Variants in PIK3CA observed in about 807,000 individuals in gnomAD.
The protein encoded by PIK3CA is phosphatidylinositol 4,5-bisphosphate 3-kinase catalytic subunit alpha isoform.
Under a neutral mutation model 138.2 loss-of-function variants are expected in PIK3CA, and 27 were observed. The observed-to-expected ratio is 0.20, with a 90% CI of 0.14 to 0.27. The LOEUF is 0.27. PIK3CA is among the 10% of genes least tolerant of loss of function. The pLI, the probability that PIK3CA is intolerant of heterozygous loss-of-function variation, is 1.00. For synonymous variants in PIK3CA, 358 were observed against 413.2 expected (o/e 0.87, Z 1.62); for missense variants, 544 against 1,277.4 (o/e 0.43, Z 8.75).
At chr3:179,202,890 TTTCTG>T (rs1372523372) in intron 4 of PIK3CA, among the ~76,000 whole-genome samples, 2 of 152,078 alleles carry the variant, frequency 1.3e-5, no homozygotes, top group Non-Finnish European at 2.9e-5. Flanking sequence ...TGATATTACT[TTTCTG>T]TTATCATATA....
chr3:179,178,673 C>T (rs1024255530), intron 1 of PIK3CA, among the ~76,000 whole-genome samples: 7 of 152,156 alleles, frequency 4.6e-5, no homozygotes, highest in African/African-American at 1.7e-4. Context: ...ACTCACAGGA[C>T]TCAGCATGAT....
chr3:179,174,916 C>A (rs7628855), intron 1 of PIK3CA, among the ~76,000 whole-genome samples: 1 of 152,136 alleles, frequency 6.6e-6, no homozygotes, highest in Non-Finnish European at 1.5e-5. Context: ...GGGCTTCAAT[C>A]CATCTTTGCA....
chr3:179,217,121 A>G (rs1480694534), intron 9 of PIK3CA, among the ~76,000 whole-genome samples: 2 of 152,038 alleles, frequency 1.3e-5, no homozygotes, highest in Non-Finnish European at 2.9e-5. Flanking sequence ...CTTCACACCA[A>G]ACTAGTTATT....
chr3:179,235,426 T>G lies in PIK3CA; in HGVS notation c.*1062T>G. ...TTGTTCATAGCAGCATGGTCAGCTT[T>G]CTTCTTGATCTATAGATGAGGCTCA... On this transcript the variant is annotated 3_prime_UTR_variant, in exon 21 of 21. Coordinates refer to ENST00000263967, the MANE Select transcript of PIK3CA (RefSeq NM_006218.4). The G allele has an allele frequency of 5.3e-6, 1 of 187,588 alleles. No individual in the cohort carries two copies. The highest frequency in any genetic ancestry group is 2.3e-5 in the African/African-American group (1 of 42,940). 11.6% of individuals were successfully genotyped at this position (187,588 alleles called of 1,614,324 possible).
chr3:179,165,857 A>G (rs1261641358), intron 1 of PIK3CA, among the ~76,000 whole-genome samples: 1 of 152,106 alleles, frequency 6.6e-6, no homozygotes, highest in Non-Finnish European at 1.5e-5. Context: ...CCTACTCAGT[A>G]ACATGTTGAT....
At chr3:179,173,105 A>G (rs1723601556) in intron 1 of PIK3CA, among the ~76,000 whole-genome samples, 1 of 152,048 alleles carries the variant, frequency 6.6e-6, no homozygotes, top group African/African-American at 2.4e-5. Context: ...TAACATTTAT[A>G]ATAATTTTCT....
chr3:179,180,986 G>A (rs184774734), intron 1 of PIK3CA, among the ~76,000 whole-genome samples: 24 of 152,216 alleles, frequency 1.6e-4, no homozygotes, highest in Admixed American at 9.2e-4. Flanking sequence ...TACCCCACTA[G>A]GAAGAGAAAG....
Position 179,234,523 on chromosome 3 carries a change from T to C in PIK3CA, c.*159T>C. On this transcript the variant is annotated 3_prime_UTR_variant, in exon 21 of 21. Transcript: ENST00000263967. The surrounding 1 kb of genome is among the most constrained non-coding windows in gnomAD (Gnocchi z 5.1). The stretch of plus-strand genomic sequence containing the variant: ...ATAAAATACTATATAATTTAAATAA[T>C]GTAAACGCAAACAGGGTTTGATAGC... The C allele has an allele frequency of 2.0e-6, 1 of 497,542 alleles. No homozygotes were observed. The highest frequency in any genetic ancestry group is 3.4e-6 in the Non-Finnish European group (1 of 297,852). The allele number at this position is 497,542 out of a possible 1,614,324, so 30.8% of individuals were successfully genotyped here.
intron 1 of PIK3CA, among the ~76,000 whole-genome samples, chr3:179,178,436 CATG>C (rs1249174785): frequency 2.6e-5 from 4 of 151,918 alleles, no homozygotes; most frequent in Non-Finnish European, 2.9e-5. Context: ...AAATTAAAAC[CATG>C]ATAAGATACC....
chr3:179,161,923 A>G (rs962476929), intron 1 of PIK3CA, among the ~76,000 whole-genome samples: 1 of 152,192 alleles, frequency 6.6e-6, no homozygotes, highest in Non-Finnish European at 1.5e-5. Flanking sequence ...GTGATTAAAC[A>G]TTATTTCCTG....
At chr3:179,194,067 T>C (rs1187343877) in intron 1 of PIK3CA, among the ~76,000 whole-genome samples, 3 of 152,214 alleles carry the variant, frequency 2.0e-5, no homozygotes, top group Non-Finnish European at 4.4e-5. Flanking sequence ...TAGGGATTTT[T>C]CTCTAGACAA....
intron 3 of PIK3CA, 93 bp from the exon 4 acceptor site, chr3:179,201,197 T>C (rs1296993011): frequency 5.8e-6 from 6 of 1,030,080 alleles, no homozygotes; most frequent in Middle Eastern, 3.1e-4. Context: ...ATTTCTGATA[T>C]GGATAAAGTA....
At chr3:179,221,882 ATT>A (rs1235287827) in intron 14 of PIK3CA, among the ~76,000 whole-genome samples, 1 of 151,306 alleles carries the variant, frequency 6.6e-6, no homozygotes, top group Non-Finnish European at 1.5e-5. Context: ...TAATTTTTGT[ATT>A]TTTAGTAGAG....
intron 20 of PIK3CA, among the ~76,000 whole-genome samples, chr3:179,231,219 C>T (rs1335198191): frequency 6.6e-6 from 1 of 152,098 alleles, no homozygotes; most frequent in East Asian, 1.9e-4. Flanking sequence ...GGGTACTTAA[C>T]GTTGGTTTCA....
chr3:179,166,182 G>A (rs1334821085), intron 1 of PIK3CA, among the ~76,000 whole-genome samples: 1 of 152,144 alleles, frequency 6.6e-6, no homozygotes, highest in Admixed American at 6.5e-5. Flanking sequence ...TTTCAGTGAG[G>A]AAAATGATAT....
intron 1 of PIK3CA, among the ~76,000 whole-genome samples, chr3:179,171,879 T>C (rs866141244): frequency 3.3e-5 from 5 of 152,084 alleles, no homozygotes; most frequent in Non-Finnish European, 7.4e-5. Context: ...TCACAATTCA[T>C]TTTATGAGGA....
At chr3:179,180,788 T>TG (rs1276544800) in intron 1 of PIK3CA, among the ~76,000 whole-genome samples, 2 of 152,132 alleles carry the variant, frequency 1.3e-5, no homozygotes, top group Non-Finnish European at 2.9e-5. Context: ...TGAGGAAATT[T>TG]GGGGGGACAC....
chr3:179,219,427 A>C lies in PIK3CA; in HGVS notation c.1747-144A>C, dbSNP rs536561084. Reference sequence around the variant, plus strand: ...AACACCCTTAACATTATTTCCATAGATAAAACTAATTAGAACTGTAAATTC... The same window carrying C: ...AACACCCTTAACATTATTTCCATAGCTAAAACTAATTAGAACTGTAAATTC... On this transcript the variant is annotated intron_variant, in intron 11 of 20. Transcript: ENST00000263967. The surrounding 1 kb of genome is among the most constrained non-coding windows in gnomAD (Gnocchi z 4.2). The C allele has an allele frequency of 1.5e-6, 1 of 686,170 alleles. No individual in the cohort carries two copies. The highest frequency in any genetic ancestry group is 2.5e-6 in the Non-Finnish European group (1 of 405,946). 42.5% of individuals were successfully genotyped at this position (686,170 alleles called of 1,614,324 possible). A position where few individuals can be genotyped will look rare whatever the true frequency, so the allele number is the denominator to read the frequency against.
rs2108430492 is a variant in PIK3CA at position 179,234,458 on chromosome 3, C to A, written c.*94C>A. The A allele has an allele frequency of 2.0e-6, 2 of 981,038 alleles. No homozygotes were observed. Among genetic ancestry groups the A allele is most frequent in the South Asian group, 1.7e-5 (1 of 58,902 alleles). The allele number at this position is 981,038 out of a possible 1,614,324, so 60.8% of individuals were successfully genotyped here. On this transcript the variant is annotated 3_prime_UTR_variant, in exon 21 of 21. Transcript: ENST00000263967. This position sits in a 1 kb window ranked among gnomAD's most constrained non-coding sequence, Gnocchi z 5.1. ...AAAGACCGATTGCATAGGAATTGCA[C>A]AATCCATGAACAGCATTAGAATTTA...
Sources: allele counts gnomAD v4.1 joint callset (sites outside exome capture counted in the v4.1 genomes callset), GRCh38; gene constraint gnomAD v4.1.1; non-coding constraint Gnocchi (gnomAD v3.1); transcripts MANE v1.5; gene names NCBI Gene and HGNC (gene_info 2026-07-23, HGNC 2026-07-21).